ATP8B4: variants seen among roughly 807,000 people sequenced by gnomAD.
ATP8B4 encodes the protein probable phospholipid-transporting ATPase IM.
ATP8B4 carries 133 observed loss-of-function variants against 145.6 expected under a neutral mutation model. The observed-to-expected ratio is 0.91, with a 90% CI of 0.79 to 1.05. ATP8B4 has a LOEUF of 1.05. Ranked by LOEUF, ATP8B4 falls within the 50% of genes least tolerant of loss-of-function variation. ATP8B4 has a pLI of 0.00. For synonymous variants in ATP8B4, 507 were observed against 492.9 expected, an observed-to-expected ratio of 1.03 and a Z score of -0.38; for missense variants, 1,458 against 1,425.2, an observed-to-expected ratio of 1.02 and a Z score of -0.37.
At chr15:50,012,612 A>G (rs1425410241) in intron 6 of ATP8B4, among the ~76,000 whole-genome samples, 1 of 152,172 alleles carries the variant, frequency 6.6e-6, no homozygotes, top group African/African-American at 2.4e-5. Context: ...AGCCCTCACA[A>G]AGTAAGACCA....
Position 49,901,189 on chromosome 15 carries a change from T to A in ATP8B4, c.2192A>T (p.His731Leu). 1 of 1,613,576 alleles carries A rather than the reference T, an allele frequency of 6.2e-7. No individual in the cohort carries two copies. The highest frequency in any genetic ancestry group is 2.2e-5 in the East Asian group (1 of 44,818). The change falls in exon 21 of 28, where the codon CAT becomes CTT. Residue 731 changes from histidine (H) to leucine (L), a missense_variant. His to Leu is a moderately conservative substitution (Grantham distance 99). Transcript: ENST00000284509. Reference protein sequence around the residue: ...FGQNRNFSNGHVVCEKKQQLE... With the variant: ...FGQNRNFSNGLVVCEKKQQLE... The stretch of plus-strand genomic sequence containing the variant: ...CTGCTGCTTTTTTTCACAAACTACA[T>A]GGCCATTGGAAAAATTTCTGTTTTG...
intron 2 of ATP8B4, among the ~76,000 whole-genome samples, chr15:50,098,918 A>C (rs1321178747): frequency 6.6e-6 from 1 of 152,184 alleles, no homozygotes; most frequent in African/African-American, 2.4e-5. Context: ...ATAATAATGA[A>C]TCTAACCTGG....
chr15:49,899,398 C>T (rs1000543422), intron 21 of ATP8B4, among the ~76,000 whole-genome samples: 1 of 152,166 alleles, frequency 6.6e-6, no homozygotes, highest in Non-Finnish European at 1.5e-5. Context: ...GAGCCATGTT[C>T]TATTCACAGT....
chr15:50,053,624 A>G (rs2052359068), intron 3 of ATP8B4, among the ~76,000 whole-genome samples: 2 of 152,192 alleles, frequency 1.3e-5, no homozygotes, highest in South Asian at 4.1e-4. Flanking sequence ...CTCAATGCAG[A>G]CAAATAGTAG....
chr15:50,118,800 G>T (rs1338187686), intron 1 of ATP8B4, among the ~76,000 whole-genome samples: 2 of 151,720 alleles, frequency 1.3e-5, no homozygotes, highest in Non-Finnish European at 2.9e-5. Flanking sequence ...ACCAAAGGAA[G>T]TGACAAAGAC....
rs376156820 is a variant in ATP8B4 at position 50,012,296 on chromosome 15, A to C, written c.363-1379T>G. 4.3e-4 allele frequency among the ~76,000 whole-genome samples: 66 copies of C among 152,258 alleles called. 1 individual carries two copies. The highest frequency in any genetic ancestry group is 1.5e-3 in the African/African-American group (63 of 41,552). On this transcript the variant is annotated intron_variant, in intron 6 of 27. Coordinates refer to ENST00000284509, the MANE Select transcript of ATP8B4 (RefSeq NM_024837.4). The stretch of plus-strand genomic sequence containing the variant: ...TCTTAGAAAAAATGGGCATGAGTGG[A>C]CAGAGAAGGCTATTGTGTCATTTTT...
At chr15:50,061,404 G>A (rs945455135) in intron 3 of ATP8B4, among the ~76,000 whole-genome samples, 1 of 152,094 alleles carries the variant, frequency 6.6e-6, no homozygotes, top group Admixed American at 6.6e-5. Flanking sequence ...ACATCCCAAA[G>A]TACACAGGCA....
chr15:50,117,280 C>T (rs1272688960), intron 1 of ATP8B4, among the ~76,000 whole-genome samples: 1 of 152,106 alleles, frequency 6.6e-6, no homozygotes, highest in Non-Finnish European at 1.5e-5. Flanking sequence ...GAACTCCTGA[C>T]CTCAAGTAAT....
At chr15:49,920,816 A>C (rs531114436) in intron 17 of ATP8B4, among the ~76,000 whole-genome samples, 1 of 152,286 alleles carries the variant, frequency 6.6e-6, no homozygotes, top group African/African-American at 2.4e-5. Context: ...CTCAGCTTTC[A>C]GTGAAGAGGA....
intron 14 of ATP8B4, among the ~76,000 whole-genome samples, chr15:49,951,831 G>A (rs989121425): frequency 1.1e-4 from 17 of 152,222 alleles, no homozygotes; most frequent in East Asian, 3.9e-4. Flanking sequence ...TGGCTGGTAC[G>A]GGTTTTTCCT....
intron 14 of ATP8B4, among the ~76,000 whole-genome samples, chr15:49,944,732 A>G (rs1293000577): frequency 2.0e-5 from 3 of 152,146 alleles, no homozygotes; most frequent in Non-Finnish European, 4.4e-5. Flanking sequence ...ATATACAACA[A>G]AACATTCTGC....
At chr15:49,990,661 T>C (rs377200852) in intron 9 of ATP8B4, among the ~76,000 whole-genome samples, 1 of 152,108 alleles carries the variant, frequency 6.6e-6, no homozygotes, top group East Asian at 1.9e-4. Flanking sequence ...GAGCTAAGTA[T>C]TTACCTCAAA....
chr15:50,118,279 C>T (rs1322496113), intron 1 of ATP8B4, among the ~76,000 whole-genome samples: 3 of 151,942 alleles, frequency 2.0e-5, no homozygotes, highest in Non-Finnish European at 2.9e-5. Flanking sequence ...AATTACACAT[C>T]GTATGCATAT....
chr15:50,143,549 AT>A (rs1375931077), intron 1 of ATP8B4, among the ~76,000 whole-genome samples: 1 of 151,442 alleles, frequency 6.6e-6, no homozygotes, highest in Non-Finnish European at 1.5e-5. Context: ...GAAGTAACAT[AT>A]TTTTACTTTC....
chr15:49,934,304 C>A (rs1238773273), intron 14 of ATP8B4, 122 bp from the exon 15 acceptor site: 4 of 1,094,182 alleles, frequency 3.7e-6, no homozygotes, highest in Non-Finnish European at 3.8e-6. Flanking sequence ...AAATGTCTGG[C>A]ACTAAAATGG....
chr15:49,997,571 T>C (rs2047528802), intron 8 of ATP8B4, among the ~76,000 whole-genome samples: 1 of 152,070 alleles, frequency 6.6e-6, no homozygotes, highest in African/African-American at 2.4e-5. Flanking sequence ...TCACCCAAGA[T>C]ACGCAATGCT....
intron 1 of ATP8B4, among the ~76,000 whole-genome samples, chr15:50,156,103 T>TAC (rs1567410556): frequency 9.3e-5 from 3 of 32,382 alleles, no homozygotes; most frequent in Non-Finnish European, 2.0e-4. Flanking sequence ...AATATATATA[T>TAC]ATAAATATAT....
chr15:50,016,918 G>T (rs1253630272), intron 6 of ATP8B4, among the ~76,000 whole-genome samples: 1 of 152,134 alleles, frequency 6.6e-6, no homozygotes, highest in South Asian at 2.1e-4. Flanking sequence ...ACATTCCCTT[G>T]AGGGGCAGTG....
intron 1 of ATP8B4, among the ~76,000 whole-genome samples, chr15:50,147,557 C>G (rs913909997): frequency 6.6e-6 from 1 of 151,958 alleles, no homozygotes; most frequent in Non-Finnish European, 1.5e-5. Flanking sequence ...AAGACAAAAG[C>G]AGGATCCCAC....
Sources: gnomAD v4.1 joint callset for allele counts (sites outside exome capture counted in the v4.1 genomes callset) on GRCh38, gnomAD v4.1.1 for gene constraint, MANE v1.5 for transcripts, NCBI Gene and HGNC (gene_info 2026-07-23, HGNC 2026-07-21) for gene names.